CATSPERD: variants seen among roughly 807,000 people sequenced by gnomAD.
CATSPERD encodes the protein catsper channel auxiliary subunit delta, also known as cation channel sperm-associated auxiliary subunit delta.
A neutral mutation model predicts 98.1 loss-of-function variants in CATSPERD; 86 were observed. The observed-to-expected ratio is 0.88, with a 90% CI of 0.74 to 1.05. The LOEUF (loss-of-function observed/expected upper bound fraction) is 1.05. Ranked by LOEUF, CATSPERD falls within the 50% of genes least tolerant of loss-of-function variation. CATSPERD has a pLI of 0.00. For missense variants in CATSPERD, 995 were observed against 1,005.7 expected (o/e 0.99, Z 0.14); for synonymous variants, 394 against 390.2 (o/e 1.01, Z -0.12).
At position 5,770,987 on chromosome 19, in the gene CATSPERD, G is replaced by A; in HGVS notation, c.1678G>A (p.Asp560Asn). 6.2e-7 allele frequency: 1 copy of A among 1,613,976 alleles called. No individual in the cohort carries two copies. The highest frequency in any genetic ancestry group is 8.5e-7 in the Non-Finnish European group (1 of 1,179,944). ...PGFQGQQSSEDLHVFYSYQQL... is the reference protein window; with the variant it reads ...PGFQGQQSSENLHVFYSYQQL... ...CTTCCAGGGGCAGCAGTCCTCCGAG[G>A]ACCTGCACGTGTTTTACTCCTACCA... The change falls in exon 19 of 22, where the codon GAC (aspartate) becomes AAC (asparagine). Residue 560 changes from aspartate to asparagine, a missense_variant. This residue lies in a region of CATSPERD where 762 missense variants were observed against 773.7 expected (regional missense o/e 0.98). Coordinates refer to ENST00000381624, the MANE Select transcript of CATSPERD (RefSeq NM_152784.4).
intron 12 of CATSPERD, 121 bp downstream of exon 12, chr19:5,751,944 T>G (rs1259199187): frequency 2.1e-6 from 2 of 940,354 alleles, no homozygotes; most frequent in East Asian, 5.8e-5. Context: ...TGGAGGGTTG[T>G]TTGAGGCCAG....
At chr19:5,744,829 G>C (rs940996077) in intron 8 of CATSPERD, among the ~76,000 whole-genome samples, 3 of 152,074 alleles carry the variant, frequency 2.0e-5, no homozygotes, top group African/African-American at 7.2e-5. Context: ...TCGAACTCCT[G>C]AGCTCAAGTG....
chr19:5,765,506 T>C (rs1225321836), intron 16 of CATSPERD, among the ~76,000 whole-genome samples: 1 of 152,062 alleles, frequency 6.6e-6, no homozygotes, highest in African/African-American at 2.4e-5. Flanking sequence ...CCAGGGATCA[T>C]GCTGGGCTCA....
chr19:5,771,309 C>T (rs1380893972), intron 19 of CATSPERD, among the ~76,000 whole-genome samples: 2 of 152,304 alleles, frequency 1.3e-5, no homozygotes, highest in East Asian at 3.9e-4. Flanking sequence ...AGTGCAGTGG[C>T]ATGATCTCAG....
At chr19:5,743,863 C>T (rs2056045105) in intron 7 of CATSPERD, among the ~76,000 whole-genome samples, 2 of 152,252 alleles carry the variant, frequency 1.3e-5, no homozygotes, top group South Asian at 2.1e-4. Context: ...GGAATGAGGA[C>T]TCCCAGGCAG....
chr19:5,727,445 G>A (rs1230605165), intron 3 of CATSPERD, 101 bp downstream of exon 3: 20 of 892,462 alleles, frequency 2.2e-5, no homozygotes, highest in African/African-American at 3.3e-5. Context: ...TGGCTCTGCC[G>A]TGTGTTGCTA....
At chr19:5,739,514 T>C (rs1343779798) in intron 7 of CATSPERD, 75 bp downstream of exon 7, 15 of 841,976 alleles carry the variant, frequency 1.8e-5, no homozygotes, top group African/African-American at 3.5e-5. Context: ...TGTCAATGGG[T>C]GCGTGAGGGT....
rs753806882 is a variant in CATSPERD at position 5,746,062 on chromosome 19, A to T, written c.807A>T (p.Ala269=). The T allele has an allele frequency of 2.0e-5, 32 of 1,613,428 alleles. No individual in the cohort carries two copies. The highest frequency in any genetic ancestry group is 2.7e-5 in the Non-Finnish European group (32 of 1,179,990). The change falls in exon 9 of 22, where the codon GCA becomes GCT. Residue 269 remains alanine (A), a splice_region_variant and synonymous_variant. Coordinates refer to ENST00000381624, the MANE Select transcript of CATSPERD (RefSeq NM_152784.4). The stretch of plus-strand genomic sequence containing the variant: ...ACAGCCTGTTGTTTTCCCATAATGC[A>T]GGTGAGCCCAGGGGCCCAGGGTGGG... ...FENSLLFSHN[A]GQLVDTVRVK...
intron 7 of CATSPERD, among the ~76,000 whole-genome samples, chr19:5,741,210 T>C (rs1599534730): frequency 6.6e-6 from 1 of 152,144 alleles, no homozygotes; most frequent in African/African-American, 2.4e-5. Flanking sequence ...ACTTTACAGA[T>C]GAGAAAACTG....
intron 21 of CATSPERD, among the ~76,000 whole-genome samples, chr19:5,777,311 C>A (rs891224031): frequency 3.3e-5 from 5 of 152,066 alleles, no homozygotes; most frequent in Admixed American, 2.0e-4. Flanking sequence ...GGATGTCCAC[C>A]AGAGAGAGGA....
intron 12 of CATSPERD, 65 bp downstream of exon 12, chr19:5,751,888 C>A: frequency 6.9e-7 from 1 of 1,459,284 alleles, no homozygotes; most frequent in Non-Finnish European, 9.3e-7. Context: ...TCAACCTGGG[C>A]ATGGTGGTGC....
chr19:5,751,905 G>A (rs549686371), intron 12 of CATSPERD, 82 bp downstream of exon 12: 5 of 1,308,808 alleles, frequency 3.8e-6, no homozygotes, highest in South Asian at 1.6e-5. Flanking sequence ...GTGCACGCCT[G>A]TAGCCCCAGT....
chr19:5,736,881 C>A (rs931334611), intron 5 of CATSPERD, among the ~76,000 whole-genome samples: 1 of 151,714 alleles, frequency 6.6e-6, no homozygotes, highest in Non-Finnish European at 1.5e-5. Context: ...CACAGTGAAA[C>A]CCTGTCTCTA....
At chr19:5,777,515 G>C (rs1420008429) in intron 21 of CATSPERD, among the ~76,000 whole-genome samples, 1 of 152,202 alleles carries the variant, frequency 6.6e-6, no homozygotes, top group Non-Finnish European at 1.5e-5. Context: ...TCTAGCCAGA[G>C]CCTGGGCATT....
intron 12 of CATSPERD, among the ~76,000 whole-genome samples, chr19:5,753,282 C>T (rs1054196910): frequency 6.6e-5 from 10 of 151,780 alleles, no homozygotes; most frequent in African/African-American, 1.5e-4. Flanking sequence ...AAAGAGGGGG[C>T]GGGCGCGGTG....
chr19:5,742,147 CGTGTGTGAACGT>C (rs1047573933), intron 7 of CATSPERD, among the ~76,000 whole-genome samples: 7 of 107,924 alleles, frequency 6.5e-5, no homozygotes, highest in African/African-American at 1.2e-4. Flanking sequence ...CGCGTGTGTA[CGTGTGTGAACGT>C]GTGTGTGCGT....
intron 1 of CATSPERD, among the ~76,000 whole-genome samples, chr19:5,723,693 T>G (rs574976868): frequency 2.0e-4 from 31 of 152,016 alleles, no homozygotes; most frequent in African/African-American, 7.2e-4. Flanking sequence ...CTCGATCTCC[T>G]GACTTCGTGA....
rs1568363598 is a variant in CATSPERD at position 5,757,845 on chromosome 19, G to A, written c.1281G>A (p.Val427=). 6.2e-7 allele frequency: 1 copy of A among 1,612,652 alleles called. No homozygotes were observed. Among genetic ancestry groups the A allele is most frequent in the Non-Finnish European group, 8.5e-7 (1 of 1,179,464 alleles). Residue 427 remains valine (V), a splice_region_variant and synonymous_variant, in exon 14 of 22, where the codon GTG becomes GTA. Coordinates refer to ENST00000381624, the MANE Select transcript of CATSPERD (RefSeq NM_152784.4). ...PQPGTSLIPL[V]MVSNPHSLGF... ...GAGCTTCTCTCCCCCACTCCCAGGTGATGGTGAGCAACCCCCACTCCCTGG... is the reference window on the plus strand; with the variant it reads ...GAGCTTCTCTCCCCCACTCCCAGGTAATGGTGAGCAACCCCCACTCCCTGG...
At chr19:5,750,414 G>A (rs1020752048) in intron 11 of CATSPERD, among the ~76,000 whole-genome samples, 8 of 121,924 alleles carry the variant, frequency 6.6e-5, no homozygotes, top group African/African-American at 2.5e-4. Context: ...TCAAGCCACT[G>A]CACTCTAGCC....
Sources: allele counts gnomAD v4.1 joint callset (sites outside exome capture counted in the v4.1 genomes callset), GRCh38; gene constraint gnomAD v4.1.1; regional missense constraint gnomAD v4.1.1; transcripts MANE v1.5; gene names NCBI Gene and HGNC (gene_info 2026-07-23, HGNC 2026-07-21).